Variants in MYO7B observed in about 807,000 individuals in gnomAD.
The protein encoded by MYO7B is myosin VIIB.
MYO7B carries 212 observed loss-of-function variants against 259.7 expected under a neutral mutation model. The ratio of observed to expected loss-of-function variants is 0.82; its 90% CI spans 0.73 to 0.91. The LOEUF is 0.91. Among genes scored for constraint, MYO7B ranks in the 40% least tolerant of loss-of-function variants. The pLI, the probability that MYO7B is intolerant of heterozygous loss-of-function variation, is 0.00. For synonymous variants in MYO7B, 1,197 were observed against 1,166.4 expected (o/e 1.03, Z -0.54); for missense variants, 2,732 against 2,813.5 (o/e 0.97, Z 0.66).
intron 26 of MYO7B, 73 bp downstream of exon 26, chr2:127,612,676 AG>A: frequency 6.4e-7 from 1 of 1,551,456 alleles, no homozygotes; most frequent in Non-Finnish European, 8.7e-7. Flanking sequence ...CCATGGCCAC[AG>A]CCTCCCCCAC....
intron 26 of MYO7B, among the ~76,000 whole-genome samples, chr2:127,617,858 T>TG (rs1340925884): frequency 6.6e-6 from 1 of 150,674 alleles, no homozygotes; most frequent in Non-Finnish European, 1.5e-5. Flanking sequence ...GGCTTTAGTT[T>TG]TTTTTTTTTT....
chr2:127,549,838 G>C (rs1693379970), intron 1 of MYO7B, among the ~76,000 whole-genome samples: 1 of 152,160 alleles, frequency 6.6e-6, no homozygotes, highest in Non-Finnish European at 1.5e-5. Flanking sequence ...GGCTGAAAGA[G>C]AATAGAACAA....
chr2:127,637,167 G>A (rs1399246398), intron 47 of MYO7B, 149 bp from the exon 48 acceptor site: 1 of 892,152 alleles, frequency 1.1e-6, no homozygotes, highest in East Asian at 2.6e-5. Context: ...AGGGCAAGCA[G>A]AAATGACGGC....
chr2:127,603,488 G>A (rs1219435420), intron 19 of MYO7B, among the ~76,000 whole-genome samples: 1 of 152,190 alleles, frequency 6.6e-6, no homozygotes, highest in Non-Finnish European at 1.5e-5. Context: ...TTGTCAATGA[G>A]CAGTAATAGT....
chr2:127,562,512 G>A (rs1442259342), intron 2 of MYO7B, among the ~76,000 whole-genome samples: 3 of 131,876 alleles, frequency 2.3e-5, no homozygotes, highest in East Asian at 2.3e-4. Flanking sequence ...TTTTTGAGAC[G>A]GAGTCTTGCA....
intron 35 of MYO7B, 115 bp downstream of exon 35, chr2:127,629,941 C>G (rs1244577797): frequency 2.6e-6 from 3 of 1,156,666 alleles, no homozygotes; most frequent in Non-Finnish European, 3.4e-6. Flanking sequence ...TAGCAGAGGC[C>G]AGGAGGGCCA....
At chr2:127,565,136 G>A in intron 3 of MYO7B, 97 bp from the exon 4 acceptor site, 2 of 1,466,940 alleles carry the variant, frequency 1.4e-6, no homozygotes, top group Non-Finnish European at 1.8e-6. Context: ...TGACCCGGAA[G>A]GTCACCTTGC....
At chr2:127,588,343 G>A in intron 14 of MYO7B, 49 bp from the exon 15 acceptor site, 1 of 1,598,150 alleles carries the variant, frequency 6.3e-7, no homozygotes, top group Non-Finnish European at 8.5e-7. Context: ...CCCATGGGTG[G>A]GCAGTGATGG....
rs770088101 is a variant in MYO7B, at chr2:127,627,295, G to C, written c.4445G>C (p.Gly1482Ala). 6.2e-7 allele frequency: 1 copy of C among 1,613,046 alleles called. No homozygotes were observed. The highest frequency in any genetic ancestry group is 1.1e-5 in the South Asian group (1 of 90,996). Residue 1482 changes from glycine (G) to alanine (A), a missense_variant, in exon 33 of 48, where the codon GGT (glycine) becomes GCT (alanine). Gly to Ala is a moderately conservative substitution (Grantham distance 60). Transcript: ENST00000409816. The surrounding 1 kb of genome is among the most constrained non-coding windows in gnomAD (Gnocchi z 5.6). The part of the protein sequence containing the change: ...LLELSFPEVM[G>A]LATNREAQGG... Reference sequence around the variant, plus strand: ...GAACTCTCTTTCCCAGAGGTCATGGGTCTGGCCACCAACAGGTGCGGGCCC... The same window carrying C: ...GAACTCTCTTTCCCAGAGGTCATGGCTCTGGCCACCAACAGGTGCGGGCCC...
intron 3 of MYO7B, 33 bp downstream of exon 3, chr2:127,564,299 C>T: frequency 6.7e-7 from 1 of 1,497,444 alleles, no homozygotes; most frequent in Non-Finnish European, 9.1e-7. Flanking sequence ...TGGGCCCTGC[C>T]CTGCCCTCAC....
At chr2:127,593,862 A>G (rs1434306950) in intron 18 of MYO7B, among the ~76,000 whole-genome samples, 3 of 152,160 alleles carry the variant, frequency 2.0e-5, no homozygotes, top group Non-Finnish European at 4.4e-5. Flanking sequence ...GGGCCAGCCC[A>G]GCCTGTGGAA....
At position 127,597,477 on chromosome 2, in the gene MYO7B, C is replaced by T. The variant is rs1024385896; in HGVS notation, c.2339+921C>T. On this transcript the variant is annotated intron_variant, in intron 19 of 47. Coordinates refer to ENST00000409816, the MANE Select transcript of MYO7B (RefSeq NM_001393586.1). This position sits in a 1 kb window ranked among gnomAD's most constrained non-coding sequence, Gnocchi z 4.8. ...GCTGCTTAACCCCAGCAACCTCTAA[C>T]CTGTTCTACATTTCTAGAATGTTGC... Among the ~76,000 whole-genome samples, 1 of 152,130 alleles carries T rather than the reference C, an allele frequency of 6.6e-6. No individual in the cohort carries two copies. The highest frequency in any genetic ancestry group is 1.5e-5 in the Non-Finnish European group (1 of 68,024).
At position 127,615,883 on chromosome 2, in the gene MYO7B, C is replaced by T. The variant is rs954572021; in HGVS notation, c.3398+3280C>T. ...CGCATTCAGCTGGTACTGGGGGAAC[C>T]AGGCCCGTGGTTGGGATCCACAGGT... On this transcript the variant is annotated intron_variant, in intron 26 of 47. Coordinates refer to ENST00000409816, the MANE Select transcript of MYO7B (RefSeq NM_001393586.1). The surrounding 1 kb of genome is among the most constrained non-coding windows in gnomAD (Gnocchi z 4.4). 6.6e-6 allele frequency among the ~76,000 whole-genome samples: 1 copy of T among 152,182 alleles called. No homozygotes were observed. The highest frequency in any genetic ancestry group is 1.5e-5 in the Non-Finnish European group (1 of 68,038).
At chr2:127,556,264 C>T (rs377428567) in intron 1 of MYO7B, among the ~76,000 whole-genome samples, 109 of 152,222 alleles carry the variant, frequency 7.2e-4, no homozygotes, top group African/African-American at 2.6e-3. Flanking sequence ...TTTTTCCACC[C>T]CTTTAAGTTT....
chr2:127,576,300 C>T lies in MYO7B; in HGVS notation c.736-295C>T, dbSNP rs182518310. Among the ~76,000 whole-genome samples the T allele has an allele frequency of 4.7e-4, 72 of 152,280 alleles. No homozygotes were observed. The highest frequency in any genetic ancestry group is 2.5e-3 in the Admixed American group (38 of 15,308). On this transcript the variant is annotated intron_variant, in intron 7 of 47. Transcript: ENST00000409816. This position sits in a 1 kb window ranked among gnomAD's most constrained non-coding sequence, Gnocchi z 4.9. Reference sequence around the variant, plus strand: ...AGACTGTGGGACTATAAGAGAGCCCCGACTCTGTGCCATCACTCCTGGCCT... The same window carrying T: ...AGACTGTGGGACTATAAGAGAGCCCTGACTCTGTGCCATCACTCCTGGCCT...
chr2:127,576,729 C>T lies in MYO7B; in HGVS notation c.849+21C>T. The T allele has an allele frequency of 6.7e-7, 1 of 1,502,838 alleles. No homozygotes were observed. The highest frequency in any genetic ancestry group is 1.4e-5 in the African/African-American group (1 of 72,414). 93.1% of individuals were successfully genotyped at this position (1,502,838 alleles called of 1,614,324 possible). On this transcript the variant is annotated intron_variant, in intron 8 of 47. Transcript: ENST00000409816. This position sits in a 1 kb window ranked among gnomAD's most constrained non-coding sequence, Gnocchi z 4.9. Reference sequence around the variant, plus strand: ...CCATGGTGAGCTGCCCACCTGCCGCCTCCCAGTAGCCAGTGGAAGGGAGGA... The same window carrying T: ...CCATGGTGAGCTGCCCACCTGCCGCTTCCCAGTAGCCAGTGGAAGGGAGGA...
chr2:127,635,657 A>C, intron 43 of MYO7B, 65 bp from the exon 44 acceptor site: 2 of 1,494,816 alleles, frequency 1.3e-6, no homozygotes, highest in Non-Finnish European at 1.8e-6. Context: ...TCTGAGCGGG[A>C]AAGAGGTTGG....
In MYO7B at chr2:127,630,844, C is replaced by G. The variant is rs758095076; in HGVS notation, c.4873C>G (p.Arg1625Gly). 1 of 1,612,562 alleles carries G rather than the reference C, an allele frequency of 6.2e-7. No individual in the cohort carries two copies. The highest frequency in any genetic ancestry group is 2.2e-5 in the East Asian group (1 of 44,864). The change falls in exon 36 of 48, where the codon CGT (arginine) becomes GGT (glycine). Residue 1625 changes from arginine to glycine, a missense_variant. Around this residue, in one of 3 missense-constraint regions of MYO7B, gnomAD observed 821 missense variants for 769.3 expected, o/e 1.07. Coordinates refer to ENST00000409816, the MANE Select transcript of MYO7B (RefSeq NM_001393586.1). ...TCAGGAGGGGCAGTTCACAGAGCCA[C>G]GTCCTGAGGAGCCACCCAAGGAAAA... ...AAQEGQFTEP[R>G]PEEPPKEKLH...
In MYO7B at chr2:127,581,987, G is replaced by A. The variant is rs531766334; in HGVS notation, c.1177G>A (p.Asp393Asn). Reference sequence around the variant, plus strand: ...GTCCCTGAACATTGCCCAGGCTGCTGACCGGAGGGACGCCTTTGTCAAGGT... The same window carrying A: ...GTCCCTGAACATTGCCCAGGCTGCTAACCGGAGGGACGCCTTTGTCAAGGT... Reference protein sequence around the residue: ...TRSLNIAQAADRRDAFVKGIY... With the variant: ...TRSLNIAQAANRRDAFVKGIY... The change falls in exon 11 of 48, where the codon GAC (aspartate) becomes AAC (asparagine). Residue 393 changes from aspartate (D) to asparagine (N), a missense_variant. Around this residue, in one of 3 missense-constraint regions of MYO7B, gnomAD observed 1,906 missense variants for 2,026.4 expected, o/e 0.94. Transcript: ENST00000409816. The A allele has an allele frequency of 6.2e-7, 1 of 1,613,910 alleles. No homozygotes were observed. Among genetic ancestry groups the A allele is most frequent in the African/African-American group, 1.3e-5 (1 of 75,070 alleles).
Sources: allele counts gnomAD v4.1 joint callset (sites outside exome capture counted in the v4.1 genomes callset), GRCh38; gene constraint gnomAD v4.1.1; regional missense constraint gnomAD v4.1.1; non-coding constraint Gnocchi (gnomAD v3.1); transcripts MANE v1.5; gene names NCBI Gene and HGNC (gene_info 2026-07-23, HGNC 2026-07-21).